Variants in FOXP1 observed in about 807,000 individuals in gnomAD.
FOXP1 encodes forkhead box P1.
FOXP1 carries 15 observed loss-of-function variants against 98.2 expected under a neutral mutation model. That is an observed-to-expected ratio of 0.15 (90% CI 0.10 to 0.24). The LOEUF is 0.24. Ranked by LOEUF, FOXP1 falls within the 10% of genes least tolerant of loss-of-function variation. The probability of loss-of-function intolerance (pLI) is 1.00; values close to 1 mark genes in which losing one functional copy is unlikely to be tolerated. For synonymous variants in FOXP1, 371 were observed against 314.5 expected (o/e 1.18, Z -1.90); for missense variants, 633 against 848.5 (o/e 0.75, Z 3.15).
chr3:71,028,913 G>A (rs762262980), intron 11 of FOXP1, among the ~76,000 whole-genome samples: 6 of 152,154 alleles, frequency 3.9e-5, no homozygotes, highest in Admixed American at 6.5e-5. Context: ...TAGGATTCAC[G>A]CTCCTGTGAG....
chr3:71,177,072 A>G (rs2061985989), intron 6 of FOXP1, among the ~76,000 whole-genome samples: 1 of 152,196 alleles, frequency 6.6e-6, no homozygotes, highest in Admixed American at 6.5e-5. Flanking sequence ...AAAAACAAAA[A>G]CAAATGAAAA....
At chr3:70,972,224 G>A (rs983046755) in intron 18 of FOXP1, 148 of 1,479,112 alleles carry the variant, frequency 1.0e-4, no homozygotes, top group Non-Finnish European at 1.2e-4. Context: ...GGCAACAAAA[G>A]GAGACGGGGT....
chr3:71,478,412 G>T (rs1471332943), intron 3 of FOXP1, among the ~76,000 whole-genome samples: 2 of 152,142 alleles, frequency 1.3e-5, no homozygotes, highest in Non-Finnish European at 2.9e-5. Flanking sequence ...ACTCTCTCTT[G>T]TGAAGTTTGC....
At chr3:71,436,891 T>C (rs1390669699) in intron 3 of FOXP1, among the ~76,000 whole-genome samples, 1 of 152,226 alleles carries the variant, frequency 6.6e-6, no homozygotes, top group African/African-American at 2.4e-5. Context: ...GTAAGCCCCA[T>C]GACCGATCAA....
chr3:71,434,561 T>C (rs2085036766), intron 3 of FOXP1, among the ~76,000 whole-genome samples: 1 of 151,988 alleles, frequency 6.6e-6, no homozygotes, highest in African/African-American at 2.4e-5. Context: ...CTATATAGCC[T>C]TCCTGGGCAC....
At chr3:71,462,743 A>G (rs1319678913) in intron 3 of FOXP1, among the ~76,000 whole-genome samples, 1 of 152,214 alleles carries the variant, frequency 6.6e-6, no homozygotes, top group South Asian at 2.1e-4. Flanking sequence ...CGATGAAGGA[A>G]AATTCAAACC....
At chr3:71,169,592 T>C (rs1050271918) in intron 6 of FOXP1, among the ~76,000 whole-genome samples, 1 of 152,098 alleles carries the variant, frequency 6.6e-6, no homozygotes, top group Non-Finnish European at 1.5e-5. Context: ...GCACCTTTTA[T>C]CTTTCCTTCC....
Position 71,443,113 on chromosome 3 carries a change from T to G in FOXP1, c.-168+50313A>C, listed in dbSNP as rs529963162. Among the ~76,000 whole-genome samples, 3 of 152,248 alleles carry G rather than the reference T, an allele frequency of 2.0e-5. No individual in the cohort carries two copies. In the East Asian group the frequency reaches 5.8e-4, roughly 29 times the overall value. ...TTCACCATATTGGCCAGACTGGTCT[T>G]GAACTCCTGACCTCAGGTGATCCAC... On this transcript the variant is annotated intron_variant, in intron 3 of 20. Transcript: ENST00000649528.
Position 70,959,347 on chromosome 3 carries a change from G to C in FOXP1, c.1934C>G (p.Ala645Gly). 6.2e-7 allele frequency: 1 copy of C among 1,614,072 alleles called. No homozygotes were observed. Among genetic ancestry groups the C allele is most frequent in the Non-Finnish European group, 8.5e-7 (1 of 1,180,010 alleles). The stretch of plus-strand genomic sequence containing the variant: ...TGTCACTAAGGACAGGGGCCCTTCA[G>C]CTTCCTCTGGATCGAGGGGCTCTTC... ...VKEEPLDPEE[A>G]EGPLSLVTTA... The change falls in exon 21 of 21, where the codon GCT (alanine) becomes GGT (glycine). Residue 645 changes from alanine (A) to glycine (G), a missense_variant. This residue lies in a region of FOXP1 where 150 missense variants were observed against 163.7 expected (regional missense o/e 0.92). Coordinates refer to ENST00000649528, the MANE Select transcript of FOXP1 (RefSeq NM_001349338.3).
intron 7 of FOXP1, among the ~76,000 whole-genome samples, chr3:71,088,603 C>T (rs951344409): frequency 2.0e-5 from 3 of 152,134 alleles, no homozygotes; most frequent in African/African-American, 7.2e-5. Context: ...TTTTCTTGAA[C>T]TTTCACCTGT....
chr3:71,125,555 G>A (rs6772367), intron 6 of FOXP1, among the ~76,000 whole-genome samples: 37,530 of 152,122 alleles, frequency 0.25, 4,726 homozygotes, highest in East Asian at 0.3. Flanking sequence ...TTTGGTTGAG[G>A]AATTAGTAAC....
intron 6 of FOXP1, among the ~76,000 whole-genome samples, chr3:71,189,089 T>C (rs958379720): frequency 6.6e-6 from 1 of 152,230 alleles, no homozygotes; most frequent in Non-Finnish European, 1.5e-5. Flanking sequence ...TGGGCCTTTA[T>C]GTCCCCAGGC....
chr3:71,041,903 T>C (rs1422981523), intron 10 of FOXP1, among the ~76,000 whole-genome samples: 1 of 152,242 alleles, frequency 6.6e-6, no homozygotes. Context: ...TTTGTTCAAC[T>C]ATACTATTAT....
intron 4 of FOXP1, among the ~76,000 whole-genome samples, chr3:71,355,318 C>T (rs1013749539): frequency 3.9e-5 from 6 of 152,220 alleles, no homozygotes; most frequent in Non-Finnish European, 8.8e-5. Context: ...ATACGACCTA[C>T]TTCTTGCTTA....
At position 70,955,830 on chromosome 3, in the gene FOXP1, G is replaced by A. The variant is rs201040980; in HGVS notation, c.*3417C>T. 10 of 205,806 alleles carry A rather than the reference G, an allele frequency of 4.9e-5. No individual in the cohort carries two copies. The highest frequency in any genetic ancestry group is 1.3e-3 in the Middle Eastern group (1 of 760). The allele number at this position is 205,806 out of a possible 1,614,324, so 12.7% of individuals were successfully genotyped here. A position where few individuals can be genotyped will look rare whatever the true frequency, so the allele number is the denominator to read the frequency against. Reference sequence around the variant, plus strand: ...AAAACAGATTAACACACACGCACGCGCGCACACACACACACACACACACAC... The same window carrying A: ...AAAACAGATTAACACACACGCACGCACGCACACACACACACACACACACAC... On this transcript the variant is annotated 3_prime_UTR_variant, in exon 21 of 21. Transcript: ENST00000649528.
chr3:71,057,327 T>TTC (rs1553715362), intron 7 of FOXP1, among the ~76,000 whole-genome samples: 9 of 134,286 alleles, frequency 6.7e-5, no homozygotes, highest in Admixed American at 3.8e-4. Flanking sequence ...TTTTTTTTTT[T>TTC]CAGATTTCAT....
At chr3:71,496,382 C>T (rs902294652) in intron 2 of FOXP1, among the ~76,000 whole-genome samples, 1 of 152,054 alleles carries the variant, frequency 6.6e-6, no homozygotes, top group African/African-American at 2.4e-5. Flanking sequence ...ATATCATACT[C>T]GAAGGCTTGG....
intron 3 of FOXP1, among the ~76,000 whole-genome samples, chr3:71,394,332 A>T (rs1472009210): frequency 6.6e-6 from 1 of 152,200 alleles, no homozygotes; most frequent in African/African-American, 2.4e-5. Flanking sequence ...TGGACAAAAA[A>T]TCTAGAAGAA....
intron 4 of FOXP1, among the ~76,000 whole-genome samples, chr3:71,352,481 A>AAAAAC (rs1435739127): frequency 6.0e-5 from 9 of 149,470 alleles, no homozygotes; most frequent in African/African-American, 2.0e-4. Flanking sequence ...AAAAAAAAAA[A>AAAAAC]AAAAAAAAAA....
Sources: allele counts gnomAD v4.1 joint callset (sites outside exome capture counted in the v4.1 genomes callset), GRCh38; gene constraint gnomAD v4.1.1; regional missense constraint gnomAD v4.1.1; transcripts MANE v1.5; gene names NCBI Gene and HGNC (gene_info 2026-07-23, HGNC 2026-07-21).